Variants in TMC2 observed in about 807,000 individuals in gnomAD.
The protein encoded by TMC2 is transmembrane channel-like protein 2.
In TMC2, 102 loss-of-function variants were observed where a neutral mutation model predicts 105.9. The ratio of observed to expected loss-of-function variants is 0.96; its 90% CI spans 0.82 to 1.14. TMC2 has a LOEUF of 1.14. Ranked by LOEUF, TMC2 falls within the 50% of genes most tolerant of loss-of-function variation. The pLI, the probability that TMC2 is intolerant of heterozygous loss-of-function variation, is 0.00. For synonymous variants in TMC2, 402 were observed against 422.8 expected (o/e 0.95, Z 0.60); for missense variants, 1,093 against 1,134.3 (o/e 0.96, Z 0.52).
At chr20:2,599,539 ATTTTT>A (rs11409325) in intron 10 of TMC2, among the ~76,000 whole-genome samples, 5 of 85,514 alleles carry the variant, frequency 5.8e-5, no homozygotes, top group Middle Eastern at 9.4e-3. Flanking sequence ...CTTTAATTAC[ATTTTT>A]TTTTTTTTTT....
rs2086049644 is a variant in TMC2 at position 2,564,366 on chromosome 20, G to A, written c.554+2356G>A. ...GGGGTTTCACCGTGTTAGCCAGGAT[G>A]GTCTCAATCTCCTGACCTCATGATC... On this transcript the variant is annotated intron_variant, in intron 4 of 19. Transcript: ENST00000358864. 2.0e-5 allele frequency among the ~76,000 whole-genome samples: 3 copies of A among 151,986 alleles called. No individual in the cohort carries two copies. In the South Asian group the frequency reaches 6.2e-4, roughly 32 times the overall value.
Position 2,641,392 on chromosome 20 carries a change from T to C in TMC2, c.*41T>C, listed in dbSNP as rs760158195. On this transcript the variant is annotated 3_prime_UTR_variant, in exon 20 of 20. Transcript: ENST00000358864. ...GGAGCCTCGACCCTAGGGCTGATCC[T>C]CAAGTACCCCAGTTTCACACATACC... 3 of 1,351,528 alleles carry C rather than the reference T, an allele frequency of 2.2e-6. No individual in the cohort carries two copies. The highest frequency in any genetic ancestry group is 3.1e-6 in the Non-Finnish European group (3 of 955,426). The allele number at this position is 1,351,528 out of a possible 1,614,324, so 83.7% of individuals were successfully genotyped here.
chr20:2,619,838 C>G (rs1389761691), intron 16 of TMC2, among the ~76,000 whole-genome samples: 4 of 152,156 alleles, frequency 2.6e-5, no homozygotes, highest in Non-Finnish European at 5.9e-5. Context: ...CCATCTGTCA[C>G]TGGGTAGGAG....
At chr20:2,605,268 T>C (rs2086381174) in intron 11 of TMC2, among the ~76,000 whole-genome samples, 1 of 152,152 alleles carries the variant, frequency 6.6e-6, no homozygotes, top group African/African-American at 2.4e-5. Context: ...AGTAAAGTGT[T>C]GATAGTATAG....
In TMC2 at chr20:2,592,506, C is replaced by T. The variant is rs2086276782; in HGVS notation, c.933+98C>T. ...AATAGTGCGTTTAATTATTGAAAAA[C>T]CATTGCTTTAATAGGATCCCAGCAC... On this transcript the variant is annotated intron_variant, in intron 8 of 19. Coordinates refer to ENST00000358864, the MANE Select transcript of TMC2 (RefSeq NM_080751.3). The surrounding 1 kb of genome is among the most constrained non-coding windows in gnomAD (Gnocchi z 4.9). 2 of 876,842 alleles carry T rather than the reference C, an allele frequency of 2.3e-6. No homozygotes were observed. The highest frequency in any genetic ancestry group is 3.8e-6 in the Non-Finnish European group (2 of 524,638). 54.3% of individuals were successfully genotyped at this position (876,842 alleles called of 1,614,324 possible).
chr20:2,632,735 G>A (rs1402138086), intron 17 of TMC2, among the ~76,000 whole-genome samples: 6 of 151,754 alleles, frequency 4.0e-5, no homozygotes, highest in Admixed American at 6.6e-5. Flanking sequence ...GATTACAGGC[G>A]CCCGCCACTA....
intron 9 of TMC2, among the ~76,000 whole-genome samples, chr20:2,596,616 G>C (rs920031745): frequency 6.9e-6 from 1 of 145,058 alleles, no homozygotes; most frequent in Non-Finnish European, 1.5e-5. Flanking sequence ...CTGGACGACA[G>C]AGCGAGACTC....
rs1218779476 is a variant in TMC2 at position 2,641,836 on chromosome 20, A to G, written c.*485A>G. 1 of 158,468 alleles carries G rather than the reference A, an allele frequency of 6.3e-6. No individual in the cohort carries two copies. The highest frequency in any genetic ancestry group is 1.4e-5 in the Non-Finnish European group (1 of 71,706). The allele number at this position is 158,468 out of a possible 1,614,324, so 9.8% of individuals were successfully genotyped here. ...GCCAGGCACAGTGGCTCACACCTGT[A>G]GTCCCAGCACTTTGGGAGACCAAGG... On this transcript the variant is annotated 3_prime_UTR_variant, in exon 20 of 20. Coordinates refer to ENST00000358864, the MANE Select transcript of TMC2 (RefSeq NM_080751.3).
At chr20:2,584,452 A>G (rs2086218429) in intron 7 of TMC2, among the ~76,000 whole-genome samples, 1 of 151,602 alleles carries the variant, frequency 6.6e-6, no homozygotes, top group South Asian at 2.1e-4. Context: ...TCAAAAAAAA[A>G]AAAAAAAAGA....
intron 16 of TMC2, among the ~76,000 whole-genome samples, chr20:2,622,651 A>C (rs941259613): frequency 8.5e-5 from 13 of 152,078 alleles, no homozygotes; most frequent in Admixed American, 8.5e-4. Flanking sequence ...ACTGCACTCC[A>C]GCCTGGACGA....
intron 10 of TMC2, among the ~76,000 whole-genome samples, chr20:2,599,539 A>ATTTTCTT (rs1439640342): frequency 1.4e-4 from 12 of 85,512 alleles, no homozygotes; most frequent in African/African-American, 5.8e-4. Context: ...CTTTAATTAC[A>ATTTTCTT]TTTTTTTTTT....
rs751383357 is a variant in TMC2 at position 2,602,143 on chromosome 20, AAAG to A, written c.1261_1263del (p.Glu421del). 3.7e-5 allele frequency: 60 copies of A among 1,612,230 alleles called. 1 individual carries two copies. Among genetic ancestry groups the A allele is most frequent in the Non-Finnish European group, 5.0e-5 (59 of 1,179,446 alleles). On this transcript the variant is annotated inframe_deletion, in exon 11 of 20. Coordinates refer to ENST00000358864, the MANE Select transcript of TMC2 (RefSeq NM_080751.3). ...AATAGTGGATGAACAAGAGAGTAAC[AAAG>A]AAGAAAATATCCATCTGACAAGATT...
At chr20:2,605,489 A>C (rs2086383954) in intron 11 of TMC2, among the ~76,000 whole-genome samples, 1 of 152,108 alleles carries the variant, frequency 6.6e-6, no homozygotes, top group Non-Finnish European at 1.5e-5. Flanking sequence ...AGAGAGAGAG[A>C]GATCTCTGGT....
chr20:2,612,780 A>T (rs559780839), intron 13 of TMC2, among the ~76,000 whole-genome samples: 13 of 152,332 alleles, frequency 8.5e-5, no homozygotes, highest in African/African-American at 2.6e-4. Context: ...TGACGGTCAC[A>T]TTTGGTCTTA....
intron 10 of TMC2, among the ~76,000 whole-genome samples, chr20:2,599,800 T>TC (rs1489696115): frequency 6.6e-6 from 1 of 152,128 alleles, no homozygotes; most frequent in Admixed American, 6.5e-5. Context: ...AAGCTTTCTT[T>TC]CCCCCAGGAC....
At chr20:2,537,706 T>G (rs1341344299) in intron 2 of TMC2, among the ~76,000 whole-genome samples, 1 of 152,070 alleles carries the variant, frequency 6.6e-6, no homozygotes, top group Non-Finnish European at 1.5e-5. Flanking sequence ...GTAGGCATAA[T>G]GGGTGCTCCA....
intron 12 of TMC2, among the ~76,000 whole-genome samples, chr20:2,611,886 G>GTGGATGGGTGGA (rs2086442662): frequency 1.1e-5 from 1 of 87,442 alleles, no homozygotes; most frequent in Non-Finnish European, 2.3e-5. Context: ...GGGTGGGTGG[G>GTGGATGGGTGGA]TGGATGGATG....
chr20:2,612,058 G>C, intron 12 of TMC2, 133 bp from the exon 13 acceptor site: 1 of 843,022 alleles, frequency 1.2e-6, no homozygotes, highest in South Asian at 3.0e-5. Flanking sequence ...GGGAATTTTG[G>C]AAGGACTCTG....
At chr20:2,550,860 G>A (rs538187325) in intron 2 of TMC2, among the ~76,000 whole-genome samples, 2 of 152,110 alleles carry the variant, frequency 1.3e-5, no homozygotes, top group East Asian at 1.9e-4. Context: ...ATTTATTACC[G>A]CAGTTTGTTT....
Sources: gnomAD v4.1 joint callset for allele counts (sites outside exome capture counted in the v4.1 genomes callset) on GRCh38, gnomAD v4.1.1 for gene constraint, Gnocchi (gnomAD v3.1) non-coding constraint, MANE v1.5 for transcripts, NCBI Gene and HGNC (gene_info 2026-07-23, HGNC 2026-07-21) for gene names.